RCBTB1: variants seen among roughly 807,000 people sequenced by gnomAD.
RCBTB1 encodes RCC1 and BTB domain containing protein 1.
In RCBTB1, 46 loss-of-function variants were observed where a neutral mutation model predicts 62.4. The ratio of observed to expected loss-of-function variants is 0.74; its 90% CI spans 0.58 to 0.94. The LOEUF is 0.94. Ranked by LOEUF, RCBTB1 falls within the 40% of genes least tolerant of loss-of-function variation. The pLI is 0.00. For synonymous variants in RCBTB1, 222 were observed against 245.8 expected, an observed-to-expected ratio of 0.90 and a Z score of 0.91; for missense variants, 565 against 654.9, an observed-to-expected ratio of 0.86 and a Z score of 1.50.
At chr13:49,551,248 A>G (rs950401192) in intron 8 of RCBTB1, 78 bp downstream of exon 8, 1 of 1,517,114 alleles carries the variant, frequency 6.6e-7, no homozygotes, top group East Asian at 2.4e-5. Context: ...TCACAAAGCC[A>G]AACACCACAG....
intron 2 of RCBTB1, among the ~76,000 whole-genome samples, chr13:49,574,687 A>C (rs113516992): frequency 1.1e-5 from 1 of 91,170 alleles, no homozygotes; most frequent in Non-Finnish European, 2.8e-5. Flanking sequence ...GATTCCTTAA[A>C]AAAAAAAAAA....
Position 49,559,831 on chromosome 13 carries a change from A to C in RCBTB1, c.444+87T>G, listed in dbSNP as rs1594304235. 3.3e-5 allele frequency: 42 copies of C among 1,282,428 alleles called. 1 individual carries two copies. In the South Asian group the frequency reaches 5.9e-4, roughly 18 times the overall value. 79.4% of individuals were successfully genotyped at this position (1,282,428 alleles called of 1,614,324 possible). On this transcript the variant is annotated intron_variant, in intron 5 of 12. Coordinates refer to ENST00000378302, the MANE Select transcript of RCBTB1 (RefSeq NM_018191.4). ...TTAACACCACTGAACTATACACTTA[A>C]AACTGGTGAAGCTGGTAAATTTTAT...
At chr13:49,553,423 G>C (rs1961557102) in intron 6 of RCBTB1, among the ~76,000 whole-genome samples, 1 of 152,098 alleles carries the variant, frequency 6.6e-6, no homozygotes, top group South Asian at 2.1e-4. Context: ...AGGAGTGATA[G>C]GGGGATCATG....
chr13:49,576,842 C>CTT (rs140636532), intron 2 of RCBTB1, among the ~76,000 whole-genome samples: 17 of 149,382 alleles, frequency 1.1e-4, no homozygotes, highest in South Asian at 1.1e-3. Context: ...GAATCAATGA[C>CTT]TTTTTTTTTT....
chr13:49,558,700 A>AAAAC (rs1211480687), intron 5 of RCBTB1, among the ~76,000 whole-genome samples: 1 of 151,072 alleles, frequency 6.6e-6, no homozygotes, highest in Non-Finnish European at 1.5e-5. Context: ...GTCTCCAAAA[A>AAAAC]AAAAAAAAAA....
Position 49,533,933 on chromosome 13 carries a change from G to C in RCBTB1, c.*189C>G. 1 of 498,398 alleles carries C rather than the reference G, an allele frequency of 2.0e-6. No homozygotes were observed. The highest frequency in any genetic ancestry group is 3.5e-6 in the Non-Finnish European group (1 of 287,750). 30.9% of individuals were successfully genotyped at this position (498,398 alleles called of 1,614,324 possible). ...ATACACTTATCTGGAAACAAGGGTT[G>C]TTTAAAATGGGCTCAAGAAAAGCCG... On this transcript the variant is annotated 3_prime_UTR_variant, in exon 13 of 13. Coordinates refer to ENST00000378302, the MANE Select transcript of RCBTB1 (RefSeq NM_018191.4).
chr13:49,542,999 G>C (rs1960504616), intron 10 of RCBTB1, among the ~76,000 whole-genome samples: 3 of 152,224 alleles, frequency 2.0e-5, no homozygotes, highest in Admixed American at 2.0e-4. Context: ...GCTCAAGCCT[G>C]TAATTCCAGC....
intron 8 of RCBTB1, 191 bp downstream of exon 8, chr13:49,551,121 GGAAGGGGGGAGGGA>G (rs1961292693): frequency 1.9e-6 from 1 of 523,354 alleles, no homozygotes; most frequent in Non-Finnish European, 3.3e-6. Flanking sequence ...GGAAGGGAAG[GGAAGGGGGGAGGGA>G]GAAGGGGGAA....
intron 12 of RCBTB1, among the ~76,000 whole-genome samples, chr13:49,537,371 T>G (rs1438273570): frequency 6.6e-6 from 1 of 152,254 alleles, no homozygotes; most frequent in Non-Finnish European, 1.5e-5. Context: ...TTTATCCCAT[T>G]ACGCAAAAAA....
intron 4 of RCBTB1, among the ~76,000 whole-genome samples, chr13:49,564,237 G>C (rs779228335): frequency 6.6e-6 from 1 of 152,114 alleles, no homozygotes; most frequent in Non-Finnish European, 1.5e-5. Context: ...AAGATTTCCC[G>C]ATTCAAGATG....
chr13:49,536,413 G>A (rs1345550330), intron 12 of RCBTB1, among the ~76,000 whole-genome samples: 2 of 152,190 alleles, frequency 1.3e-5, no homozygotes, highest in Non-Finnish European at 2.9e-5. Flanking sequence ...TGATGAGCAA[G>A]TTAGACAAAC....
chr13:49,540,950 G>A lies in RCBTB1; in HGVS notation c.1381C>T (p.His461Tyr), dbSNP rs745890694. The change falls in exon 12 of 13, where the codon CAC becomes TAC. Residue 461 changes from histidine (H) to tyrosine (Y), a missense_variant. Physicochemically the swap from His to Tyr is moderately conservative, Grantham distance 83. Coordinates refer to ENST00000378302, the MANE Select transcript of RCBTB1 (RefSeq NM_018191.4). ...CENRLKKLCQHIIKRGITVEN... is the reference protein window; with the variant it reads ...CENRLKKLCQYIIKRGITVEN... ...ACAGTAATTCCTCTCTTGATAATGTGCTGACAAAGTTTTTTCAGTCTGTTT... is the reference window on the plus strand; with the variant it reads ...ACAGTAATTCCTCTCTTGATAATGTACTGACAAAGTTTTTTCAGTCTGTTT... The A allele has an allele frequency of 3.7e-6, 6 of 1,613,692 alleles. No homozygotes were observed. The Admixed American group carries it at 1.0e-4, about 27-fold the overall frequency.
At chr13:49,574,587 C>CA (rs1963643963) in intron 2 of RCBTB1, among the ~76,000 whole-genome samples, 1 of 150,224 alleles carries the variant, frequency 6.7e-6, no homozygotes, top group Non-Finnish European at 1.5e-5. Flanking sequence ...ATGTTTCAGG[C>CA]AAAATCTGGA....
intron 12 of RCBTB1, among the ~76,000 whole-genome samples, chr13:49,540,256 G>A (rs773677438): frequency 4.6e-5 from 7 of 152,102 alleles, no homozygotes; most frequent in Non-Finnish European, 5.9e-5. Flanking sequence ...TGCTCACGAG[G>A]AGCTTACAGT....
chr13:49,565,875 T>C (rs112210859), intron 4 of RCBTB1, among the ~76,000 whole-genome samples: 3,856 of 151,550 alleles, frequency 0.025, 97 homozygotes, highest in East Asian at 0.14. Context: ...TGTGTCTGTG[T>C]AGAAAGAAGT....
chr13:49,536,999 T>C (rs3794377), intron 12 of RCBTB1, among the ~76,000 whole-genome samples: 88,876 of 152,050 alleles, frequency 0.58, 27,212 homozygotes, highest in Non-Finnish European at 0.69. Context: ...ACACAGAGCA[T>C]TGATGGTCTT....
intron 6 of RCBTB1, 75 bp downstream of exon 6, chr13:49,555,440 C>T (rs1041221322): frequency 8.2e-7 from 1 of 1,219,724 alleles, no homozygotes; most frequent in African/African-American, 1.5e-5. Context: ...CCATCTGATA[C>T]ATTCACCTTG....
chr13:49,551,415 A>G lies in RCBTB1; in HGVS notation c.765T>C (p.Tyr255=), dbSNP rs771363653. 4 of 1,614,234 alleles carry G rather than the reference A, an allele frequency of 2.5e-6. No homozygotes were observed. The highest frequency in any genetic ancestry group is 2.5e-6 in the Non-Finnish European group (3 of 1,180,044). ...GCCCATATGTGTTAGCTCCCCAGGCATACAGCAAGCCCTCATCTGTTAGTG... is the reference window on the plus strand; with the variant it reads ...GCCCATATGTGTTAGCTCCCCAGGCGTACAGCAAGCCCTCATCTGTTAGTG... The part of the protein sequence containing the change: ...TLALTDEGLL[Y]AWGANTYGQL... The change falls in exon 8 of 13, where the codon TAT becomes TAC. Residue 255 remains tyrosine, a synonymous_variant. Coordinates refer to ENST00000378302, the MANE Select transcript of RCBTB1 (RefSeq NM_018191.4).
chr13:49,535,583 C>T (rs1434596262), intron 12 of RCBTB1, among the ~76,000 whole-genome samples: 1 of 152,114 alleles, frequency 6.6e-6, no homozygotes, highest in Non-Finnish European at 1.5e-5. Context: ...GTGGAAGGGG[C>T]CCACACAAAC....
Sources: gnomAD v4.1 joint callset for allele counts (sites outside exome capture counted in the v4.1 genomes callset) on GRCh38, gnomAD v4.1.1 for gene constraint, MANE v1.5 for transcripts, NCBI Gene and HGNC (gene_info 2026-07-23, HGNC 2026-07-21) for gene names.